The following RYR2 variants were observed in gnomAD, a reference collection of about 807,000 sequenced individuals.
RYR2 encodes ryanodine receptor 2, also known as cardiac muscle ryanodine receptor-calcium release channel.
Under a neutral mutation model 601.1 loss-of-function variants are expected in RYR2, and 227 were observed. The observed-to-expected ratio is 0.38, with a 90% CI of 0.34 to 0.42. The LOEUF (loss-of-function observed/expected upper bound fraction) is 0.42. RYR2 is among the 10% of genes least tolerant of loss of function. The pLI is 1.00. For synonymous variants in RYR2, 2,223 were observed against 2,175.1 expected, an observed-to-expected ratio of 1.02 and a Z score of -0.61; for missense variants, 4,646 against 6,156.5, an observed-to-expected ratio of 0.75 and a Z score of 8.21.
Position 237,641,471 on chromosome 1 carries a change from G to GTCTTTCTTTCTT in RYR2, c.7221+515_7221+526dup, listed in dbSNP as rs796832994. On this transcript the variant is annotated intron_variant, in intron 47 of 104. Coordinates refer to ENST00000366574, the MANE Select transcript of RYR2 (RefSeq NM_001035.3). ...AGACCATATAAATTAGTGTCTGTCT[G>GTCTTTCTTTCTT]TCTTTCTTTCTTTCTTTCTTTCTTT... 3.2e-3 allele frequency among the ~76,000 whole-genome samples: 343 copies of GTCTTTCTTTCTT among 108,672 alleles called. 6 individuals are homozygous for GTCTTTCTTTCTT. The highest frequency in any genetic ancestry group is 0.02 in the East Asian group (91 of 4,472). The allele number at this position is 108,672 out of a possible 152,430, so 71.3% of individuals were successfully genotyped here.
intron 26 of RYR2, among the ~76,000 whole-genome samples, chr1:237,549,612 G>A (rs979135466): frequency 1.4e-5 from 2 of 139,724 alleles, no homozygotes; most frequent in Non-Finnish European, 3.1e-5. Context: ...CAACCCCTGT[G>A]TGATTCCATA....
chr1:237,485,024 G>A (rs1253234774), intron 17 of RYR2, among the ~76,000 whole-genome samples: 4 of 152,118 alleles, frequency 2.6e-5, no homozygotes, highest in Non-Finnish European at 5.9e-5. Context: ...TCAATTTTGT[G>A]TTCTACAAAC....
At chr1:237,476,023 G>C (rs1428218624) in intron 17 of RYR2, among the ~76,000 whole-genome samples, 3 of 152,162 alleles carry the variant, frequency 2.0e-5, no homozygotes, top group Non-Finnish European at 4.4e-5. Flanking sequence ...TACGATTTGG[G>C]GGCAAGAGAT....
rs996426378 is a variant in RYR2, at chr1:237,546,502, G to A, written c.2907-1929G>A. 5.9e-5 allele frequency among the ~76,000 whole-genome samples: 9 copies of A among 151,796 alleles called. No homozygotes were observed. In the East Asian group the frequency reaches 7.8e-4, roughly 13 times the overall value. On this transcript the variant is annotated intron_variant, in intron 25 of 104. Coordinates refer to ENST00000366574, the MANE Select transcript of RYR2 (RefSeq NM_001035.3). ...AAGCGATTCTCATGCCTCAGCCTCCGAAGTAGCTGTGATTACAGTTGGGTG... is the reference window on the plus strand; with the variant it reads ...AAGCGATTCTCATGCCTCAGCCTCCAAAGTAGCTGTGATTACAGTTGGGTG...
intron 1 of RYR2, among the ~76,000 whole-genome samples, chr1:237,214,353 GTT>G (rs894138284): frequency 6.6e-6 from 1 of 152,148 alleles, no homozygotes; most frequent in Admixed American, 6.5e-5. Context: ...TTGGCTCATG[GTT>G]CTGTAGGCTG....
chr1:237,185,715 A>G (rs1679271743), intron 1 of RYR2, among the ~76,000 whole-genome samples: 1 of 152,102 alleles, frequency 6.6e-6, no homozygotes, highest in African/African-American at 2.4e-5. Flanking sequence ...GGTAAAGCAA[A>G]TGGCATTGAT....
At chr1:237,348,365 G>A (rs1453903117) in intron 3 of RYR2, among the ~76,000 whole-genome samples, 1 of 152,090 alleles carries the variant, frequency 6.6e-6, no homozygotes, top group Admixed American at 6.6e-5. Context: ...TGTGACTATC[G>A]ATTCTATGAA....
chr1:237,070,904 G>A (rs1328391563), intron 1 of RYR2, among the ~76,000 whole-genome samples: 1 of 152,272 alleles, frequency 6.6e-6, no homozygotes, highest in African/African-American at 2.4e-5. Flanking sequence ...GCCCCAAGGA[G>A]GGTGTTACAG....
intron 1 of RYR2, among the ~76,000 whole-genome samples, chr1:237,212,353 C>T (rs1682674432): frequency 6.6e-6 from 1 of 152,166 alleles, no homozygotes; most frequent in African/African-American, 2.4e-5. Flanking sequence ...ATTCATCCCT[C>T]TATTAATGAA....
At chr1:237,677,088 C>T (rs1685465542) in intron 60 of RYR2, among the ~76,000 whole-genome samples, 2 of 152,098 alleles carry the variant, frequency 1.3e-5, no homozygotes, top group Non-Finnish European at 2.9e-5. Context: ...AAAATAATTG[C>T]ATAAGTTTCC....
intron 2 of RYR2, among the ~76,000 whole-genome samples, chr1:237,272,678 A>T (rs1040115723): frequency 2.0e-5 from 3 of 150,952 alleles, no homozygotes; most frequent in Non-Finnish European, 4.4e-5. Context: ...TAATATCTAA[A>T]GGTAATAAAG....
At chr1:237,508,864 T>C (rs2150529251) in intron 23 of RYR2, among the ~76,000 whole-genome samples, 1 of 142,716 alleles carries the variant, frequency 7.0e-6, no homozygotes, top group South Asian at 2.4e-4. Flanking sequence ...TGCCTCAGCC[T>C]CCCGAGTAGC....
chr1:237,536,627 A>C (rs956094831), intron 25 of RYR2, among the ~76,000 whole-genome samples: 1 of 147,992 alleles, frequency 6.8e-6, no homozygotes, highest in African/African-American at 2.5e-5. Context: ...AGGCAGGAGA[A>C]TGGCGTGAAT....
chr1:237,345,943 G>A (rs1436570749), intron 3 of RYR2, among the ~76,000 whole-genome samples: 1 of 152,024 alleles, frequency 6.6e-6, no homozygotes, highest in Non-Finnish European at 1.5e-5. Context: ...AGCCTCCATG[G>A]AAGAGACTTA....
chr1:237,274,349 CTTGTGTAGGCCT>C (rs1233439812), intron 2 of RYR2, among the ~76,000 whole-genome samples: 1 of 150,796 alleles, frequency 6.6e-6, no homozygotes, highest in Non-Finnish European at 1.5e-5. Context: ...TGATTTCAAT[CTTGTGTAGGCCT>C]ACAATGATGT....
chr1:237,511,632 A>C, intron 23 of RYR2, 56 bp from the exon 24 acceptor site: 1 of 1,333,884 alleles, frequency 7.5e-7, no homozygotes, highest in Non-Finnish European at 1.1e-6. Flanking sequence ...GTTGAATTCC[A>C]TTGCTAGTGC....
intron 29 of RYR2, among the ~76,000 whole-genome samples, chr1:237,584,202 G>A (rs1446766766): frequency 6.6e-6 from 1 of 152,126 alleles, no homozygotes; most frequent in Non-Finnish European, 1.5e-5. Context: ...GTGGAAATCT[G>A]TTTTATTGTG....
At chr1:237,262,245 GTTTTT>G (rs386370106) in intron 1 of RYR2, among the ~76,000 whole-genome samples, 8 of 61,098 alleles carry the variant, frequency 1.3e-4, no homozygotes, top group East Asian at 2.1e-3. Flanking sequence ...GTTCTAAAGA[GTTTTT>G]TTTTTTTTTT....
At position 237,245,893 on chromosome 1, in the gene RYR2, T is replaced by A. The variant is rs766626515; in HGVS notation, c.49-24604T>A. Among the ~76,000 whole-genome samples the A allele has an allele frequency of 5.3e-5, 8 of 152,156 alleles. No homozygotes were observed. The Middle Eastern group carries it at 0.01, about 194-fold the overall frequency. ...GCCTCCCAGGTTGCAGTGATTCTCCTGTCTCAGCCTCCCAAGTAGCTGGCA... is the reference window on the plus strand; with the variant it reads ...GCCTCCCAGGTTGCAGTGATTCTCCAGTCTCAGCCTCCCAAGTAGCTGGCA... On this transcript the variant is annotated intron_variant, in intron 1 of 104. Transcript: ENST00000366574.
Sources: gnomAD v4.1 joint callset for allele counts (sites outside exome capture counted in the v4.1 genomes callset) on GRCh38, gnomAD v4.1.1 for gene constraint, MANE v1.5 for transcripts, NCBI Gene and HGNC (gene_info 2026-07-23, HGNC 2026-07-21) for gene names.